Variants in KCNK12 observed in about 807,000 individuals in gnomAD.
KCNK12 encodes potassium channel subfamily K member 12.
KCNK12 carries 6 observed loss-of-function variants against 25.3 expected under a neutral mutation model. That is an observed-to-expected ratio of 0.24 (90% CI 0.13 to 0.47). KCNK12 has a LOEUF of 0.47. Among genes scored for constraint, KCNK12 ranks in the 20% least tolerant of loss-of-function variants. KCNK12 has a pLI of 0.99. For synonymous variants in KCNK12, 331 were observed against 311.1 expected (o/e 1.06, Z -0.67); for missense variants, 444 against 661.7 (o/e 0.67, Z 3.61).
At chr2:47,558,028 A>C (rs1175907286) in intron 1 of KCNK12, among the ~76,000 whole-genome samples, 6 of 152,210 alleles carry the variant, frequency 3.9e-5, no homozygotes, top group Non-Finnish European at 7.3e-5. Flanking sequence ...GCAGGTCATC[A>C]TCTGATCATC....
chr2:47,518,135 C>T lies in KCNK12; in HGVS notation c.*2772G>A, dbSNP rs559938870. On this transcript the variant is annotated 3_prime_UTR_variant, in exon 2 of 2. Coordinates refer to ENST00000327876, the MANE Select transcript of KCNK12 (RefSeq NM_022055.2). This position sits in a 1 kb window ranked among gnomAD's most constrained non-coding sequence, Gnocchi z 4.1. ...TCCTGAAATGATGGGAGAACCACATCCCTGCTTCAGGGAAGCAGTCCCTGT... is the reference window on the plus strand; with the variant it reads ...TCCTGAAATGATGGGAGAACCACATTCCTGCTTCAGGGAAGCAGTCCCTGT... The T allele has an allele frequency of 1.3e-5, 2 of 152,352 alleles. No individual in the cohort carries two copies. Among genetic ancestry groups the T allele is most frequent in the East Asian group, 3.9e-4 (2 of 5,180 alleles). 9.4% of individuals were successfully genotyped at this position (152,352 alleles called of 1,614,324 possible).
At chr2:47,532,838 C>G (rs1004653803) in intron 1 of KCNK12, among the ~76,000 whole-genome samples, 3 of 152,182 alleles carry the variant, frequency 2.0e-5, no homozygotes, top group African/African-American at 4.8e-5. Flanking sequence ...CAAGTCTTAA[C>G]TCCTGCAGGC....
At chr2:47,553,803 C>G (rs1669491228) in intron 1 of KCNK12, among the ~76,000 whole-genome samples, 1 of 152,160 alleles carries the variant, frequency 6.6e-6, no homozygotes, top group Non-Finnish European at 1.5e-5. Context: ...GTCATTGTTC[C>G]TTAACTTGCT....
At position 47,513,298 on chromosome 2, in the gene KCNK12, T is replaced by G. The variant is rs941817270; in HGVS notation, c.*7609A>C. The stretch of plus-strand genomic sequence containing the variant: ...TCTGCCAAGGTCACTGATATTTCCC[T>G]TTGCTAAATCTTGTGGGTGTTTTCT... On this transcript the variant is annotated 3_prime_UTR_variant, in exon 2 of 2. Transcript: ENST00000327876. 2 of 152,192 alleles carry G rather than the reference T, an allele frequency of 1.3e-5. No homozygotes were observed. Among genetic ancestry groups the G allele is most frequent in the Non-Finnish European group, 2.9e-5 (2 of 68,030 alleles). The allele number at this position is 152,192 out of a possible 1,614,324, so 9.4% of individuals were successfully genotyped here. A position where few individuals can be genotyped will look rare whatever the true frequency, so the allele number is the denominator to read the frequency against.
chr2:47,561,988 C>A (rs1669682688), intron 1 of KCNK12: 1 of 398,302 alleles, frequency 2.5e-6, no homozygotes, highest in African/African-American at 2.1e-5. Flanking sequence ...AACTGAGGCA[C>A]TGAATGGTGA....
At chr2:47,567,831 C>G (rs1278676823) in intron 1 of KCNK12, among the ~76,000 whole-genome samples, 1 of 152,220 alleles carries the variant, frequency 6.6e-6, no homozygotes, top group Non-Finnish European at 1.5e-5. Context: ...TAGCTCCTTT[C>G]CACTTGACTA....
chr2:47,568,105 T>G (rs1669818669), intron 1 of KCNK12, among the ~76,000 whole-genome samples: 1 of 152,116 alleles, frequency 6.6e-6, no homozygotes, highest in African/African-American at 2.4e-5. Flanking sequence ...CAGCTTCCCC[T>G]TTAGCCTGTG....
chr2:47,559,861 C>T (rs1044960932), intron 1 of KCNK12, among the ~76,000 whole-genome samples: 1 of 152,206 alleles, frequency 6.6e-6, no homozygotes, highest in African/African-American at 2.4e-5. Context: ...CTGATTTCAC[C>T]TGGTAGAAAA....
chr2:47,560,016 C>T lies in KCNK12; in HGVS notation c.391+9925G>A, dbSNP rs1157472030. Among the ~76,000 whole-genome samples, 1 of 152,182 alleles carries T rather than the reference C, an allele frequency of 6.6e-6. No individual in the cohort carries two copies. Among genetic ancestry groups the T allele is most frequent in the African/African-American group, 2.4e-5 (1 of 41,446 alleles). ...GCAGGCGCTTGGTGCAAGGTCTAGG[C>T]AGGGTCTGTTTCAGGACATGACCTT... On this transcript the variant is annotated intron_variant, in intron 1 of 1. Transcript: ENST00000327876. This position sits in a 1 kb window ranked among gnomAD's most constrained non-coding sequence, Gnocchi z 4.7.
intron 1 of KCNK12, among the ~76,000 whole-genome samples, chr2:47,553,923 G>C (rs958682554): frequency 2.0e-5 from 3 of 152,228 alleles, no homozygotes; most frequent in African/African-American, 7.2e-5. Context: ...TCTGGGGTCA[G>C]AGAACTCAGC....
chr2:47,527,226 G>A (rs968046406), intron 1 of KCNK12, among the ~76,000 whole-genome samples: 18 of 152,194 alleles, frequency 1.2e-4, no homozygotes, highest in Non-Finnish European at 1.8e-4. Flanking sequence ...TCGTGGGAGA[G>A]TGGCTGCTGC....
At chr2:47,549,580 A>G (rs1669381963) in intron 1 of KCNK12, among the ~76,000 whole-genome samples, 1 of 152,232 alleles carries the variant, frequency 6.6e-6, no homozygotes, top group Non-Finnish European at 1.5e-5. Flanking sequence ...TTTAAAGGAG[A>G]AACATAATGA....
intron 1 of KCNK12, among the ~76,000 whole-genome samples, chr2:47,523,086 T>C (rs557030856): frequency 1.1e-3 from 166 of 152,356 alleles, no homozygotes; most frequent in African/African-American, 3.8e-3. Flanking sequence ...AACTGTTGAC[T>C]ACGAGTTTTT....
intron 1 of KCNK12, among the ~76,000 whole-genome samples, chr2:47,554,390 G>C (rs1317859767): frequency 6.6e-6 from 1 of 152,196 alleles, no homozygotes; most frequent in Non-Finnish European, 1.5e-5. Context: ...TAATCAGGGG[G>C]ACCAGGGAAG....
At chr2:47,539,988 G>A (rs1669162089) in intron 1 of KCNK12, among the ~76,000 whole-genome samples, 1 of 152,220 alleles carries the variant, frequency 6.6e-6, no homozygotes, top group Non-Finnish European at 1.5e-5. Flanking sequence ...ACTGGTGGCT[G>A]TCAGCAAGCT....
chr2:47,509,736 G>A lies in KCNK12; in HGVS notation c.*11171C>T, dbSNP rs1447237419. On this transcript the variant is annotated 3_prime_UTR_variant, in exon 2 of 2. Transcript: ENST00000327876. ...GGACTGGATTCTATTGCATTAACTT[G>A]ACCCTGACTCATGCCGCCAGGCCTA... is the stretch of plus-strand genomic sequence containing the variant. 6.6e-6 allele frequency among the ~76,000 whole-genome samples: 1 copy of A among 152,132 alleles called. No individual in the cohort carries two copies. Among genetic ancestry groups the A allele is most frequent in the Admixed American group, 6.5e-5 (1 of 15,278 alleles).
intron 1 of KCNK12, among the ~76,000 whole-genome samples, chr2:47,568,201 A>C (rs1669820365): frequency 6.6e-6 from 1 of 152,100 alleles, no homozygotes; most frequent in Non-Finnish European, 1.5e-5. Flanking sequence ...GGTGGAAGAA[A>C]GGGAAAGGGC....
chr2:47,543,814 G>T (rs1399905203), intron 1 of KCNK12: 1 of 152,192 alleles, frequency 6.6e-6, no homozygotes, highest in Non-Finnish European at 1.5e-5. Flanking sequence ...GTAAAAGGAT[G>T]TTTAACATGT....
chr2:47,544,367 T>C (rs1353880550), intron 1 of KCNK12, among the ~76,000 whole-genome samples: 1 of 152,232 alleles, frequency 6.6e-6, no homozygotes, highest in African/African-American at 2.4e-5. Flanking sequence ...GCCGAGGGCA[T>C]AAACCATATT....
Sources: allele counts gnomAD v4.1 joint callset (sites outside exome capture counted in the v4.1 genomes callset), GRCh38; gene constraint gnomAD v4.1.1; non-coding constraint Gnocchi (gnomAD v3.1); transcripts MANE v1.5; gene names NCBI Gene and HGNC (gene_info 2026-07-23, HGNC 2026-07-21).